RSPO2: variants seen among roughly 807,000 people sequenced by gnomAD.
The protein encoded by RSPO2 is R-spondin-2.
A neutral mutation model predicts 30.9 loss-of-function variants in RSPO2; 14 were observed. The observed-to-expected ratio is 0.45, with a 90% CI of 0.30 to 0.71. RSPO2 has a LOEUF of 0.71. RSPO2 is among the 30% of genes least tolerant of loss of function. The pLI is 0.08. For missense variants in RSPO2, 264 were observed against 301.9 expected (o/e 0.87, Z 0.93); for synonymous variants, 107 against 96.4 (o/e 1.11, Z -0.64).
At chr8:107,921,933 C>T (rs1479202900) in intron 5 of RSPO2, among the ~76,000 whole-genome samples, 2 of 152,002 alleles carry the variant, frequency 1.3e-5, no homozygotes, top group Non-Finnish European at 2.9e-5. Context: ...ATAAAGTAGG[C>T]ATTGAAGGAA....
chr8:107,965,283 C>A (rs967003416), intron 3 of RSPO2, among the ~76,000 whole-genome samples: 8 of 152,282 alleles, frequency 5.3e-5, no homozygotes, highest in East Asian at 1.9e-4. Flanking sequence ...GAAACTGCAT[C>A]CAAATACAGT....
intron 2 of RSPO2, among the ~76,000 whole-genome samples, chr8:108,067,338 G>A (rs555769107): frequency 6.6e-6 from 1 of 152,278 alleles, no homozygotes; most frequent in South Asian, 2.1e-4. Flanking sequence ...GTAGATTAAT[G>A]ACATTGAATT....
At chr8:108,076,036 A>G (rs1813004020) in intron 2 of RSPO2, among the ~76,000 whole-genome samples, 1 of 152,254 alleles carries the variant, frequency 6.6e-6, no homozygotes, top group South Asian at 2.1e-4. Context: ...CAGAAATCTA[A>G]GAAACTATGA....
chr8:107,944,970 T>C (rs997713913), intron 5 of RSPO2, among the ~76,000 whole-genome samples: 6 of 152,054 alleles, frequency 3.9e-5, no homozygotes, highest in African/African-American at 9.7e-5. Context: ...CTAGATAAAC[T>C]AGTGATAAAC....
intron 2 of RSPO2, among the ~76,000 whole-genome samples, chr8:108,054,053 C>G (rs1283172979): frequency 6.6e-6 from 1 of 152,104 alleles, no homozygotes; most frequent in East Asian, 1.9e-4. Flanking sequence ...TTATATGATG[C>G]ATTTGTTGAA....
chr8:107,932,138 T>C (rs950361317), intron 5 of RSPO2, among the ~76,000 whole-genome samples: 2 of 152,202 alleles, frequency 1.3e-5, no homozygotes, highest in Non-Finnish European at 1.5e-5. Flanking sequence ...AATAAATACC[T>C]ATTCTCCTAG....
chr8:107,994,553 C>G (rs1814951623), intron 2 of RSPO2, among the ~76,000 whole-genome samples: 1 of 152,008 alleles, frequency 6.6e-6, no homozygotes, highest in Non-Finnish European at 1.5e-5. Flanking sequence ...ACACAAAATA[C>G]TCTTTCCTAT....
chr8:108,070,439 C>T (rs190772439), intron 2 of RSPO2, among the ~76,000 whole-genome samples: 2,023 of 151,880 alleles, frequency 0.013, 22 homozygotes, highest in Middle Eastern at 0.02. Context: ...ACTACAGGTG[C>T]CCGCCACCGC....
intron 3 of RSPO2, among the ~76,000 whole-genome samples, chr8:107,969,976 T>A (rs556079750): frequency 1.2e-4 from 18 of 152,174 alleles, no homozygotes; most frequent in Non-Finnish European, 2.5e-4. Context: ...CCCAACTAAA[T>A]GGAAAAGCAT....
chr8:108,076,149 C>T (rs148996302), intron 2 of RSPO2, among the ~76,000 whole-genome samples: 23 of 152,312 alleles, frequency 1.5e-4, no homozygotes, highest in African/African-American at 5.5e-4. Flanking sequence ...TGCTCAACAG[C>T]GCAAGAGCTT....
intron 2 of RSPO2, among the ~76,000 whole-genome samples, chr8:108,017,056 G>T (rs1340792981): frequency 4.1e-5 from 6 of 146,986 alleles, no homozygotes; most frequent in African/African-American, 1.5e-4. Context: ...TCACTCTGTC[G>T]CCCAGGCTGG....
chr8:107,943,223 G>A (rs1813528), intron 5 of RSPO2, among the ~76,000 whole-genome samples: 1,723 of 152,096 alleles, frequency 0.011, 41 homozygotes, highest in African/African-American at 0.039. Flanking sequence ...GCGTGCGCGC[G>A]CACACACAGA....
chr8:108,019,377 TA>T (rs549034153), intron 2 of RSPO2, among the ~76,000 whole-genome samples: 2 of 151,318 alleles, frequency 1.3e-5, no homozygotes, highest in Non-Finnish European at 3.0e-5. Context: ...TAAATTAAGG[TA>T]AAAAAAATAA....
chr8:108,069,248 C>G (rs1310641379), intron 2 of RSPO2, among the ~76,000 whole-genome samples: 2 of 152,044 alleles, frequency 1.3e-5, no homozygotes, highest in East Asian at 1.9e-4. Context: ...GAGTCTCGCT[C>G]TGTTGCCCAG....
chr8:107,935,386 C>A (rs1037614786), intron 5 of RSPO2, among the ~76,000 whole-genome samples: 1 of 151,936 alleles, frequency 6.6e-6, no homozygotes, highest in Non-Finnish European at 1.5e-5. Context: ...AATTTTGTAA[C>A]CTCATGGCTT....
chr8:107,916,059 T>A (rs923018812), intron 5 of RSPO2, among the ~76,000 whole-genome samples: 3 of 150,150 alleles, frequency 2.0e-5, no homozygotes, highest in Admixed American at 6.6e-5. Context: ...ATCTTCTGTC[T>A]ATTTATATGT....
At chr8:108,026,333 C>T (rs775300496) in intron 2 of RSPO2, among the ~76,000 whole-genome samples, 3 of 152,106 alleles carry the variant, frequency 2.0e-5, no homozygotes, top group Non-Finnish European at 4.4e-5. Flanking sequence ...AGATCTAAAA[C>T]AATTTTTTCT....
rs762186863 is a variant in RSPO2 at position 108,019,176 on chromosome 8, G to A, written c.95-29932C>T. Among the ~76,000 whole-genome samples, 84 of 152,026 alleles carry A rather than the reference G, an allele frequency of 5.5e-4. 1 individual carries two copies. The highest frequency in any genetic ancestry group is 2.8e-4 in the Non-Finnish European group (19 of 67,970). On this transcript the variant is annotated intron_variant, in intron 2 of 5. Coordinates refer to ENST00000276659, the MANE Select transcript of RSPO2 (RefSeq NM_178565.5). ...AAAAACACGGCCTGGCCAACATGGC[G>A]AAACCCCATCTCTACTTTAATACAA...
At chr8:107,987,337 A>T (rs1014312659) in intron 3 of RSPO2, among the ~76,000 whole-genome samples, 1 of 152,050 alleles carries the variant, frequency 6.6e-6, no homozygotes, top group African/African-American at 2.4e-5. Flanking sequence ...TCTTAAAGCA[A>T]TCTCTTTAGT....
Sources: gnomAD v4.1 joint callset for allele counts (sites outside exome capture counted in the v4.1 genomes callset) on GRCh38, gnomAD v4.1.1 for gene constraint, MANE v1.5 for transcripts, NCBI Gene and HGNC (gene_info 2026-07-23, HGNC 2026-07-21) for gene names.